The following SCN8A variants were observed in gnomAD, a reference collection of about 807,000 sequenced individuals.
The protein encoded by SCN8A is sodium channel protein type 8 subunit alpha.
SCN8A carries 30 observed loss-of-function variants against 184.1 expected under a neutral mutation model. The observed-to-expected ratio is 0.16, with a 90% CI of 0.12 to 0.22. SCN8A has a LOEUF of 0.22. Ranked by LOEUF, SCN8A falls within the 10% of genes least tolerant of loss-of-function variation. The pLI, the probability that SCN8A is intolerant of heterozygous loss-of-function variation, is 1.00. For synonymous variants in SCN8A, 852 were observed against 907.0 expected (o/e 0.94, Z 1.09); for missense variants, 1,057 against 2,498.9 (o/e 0.42, Z 12.30).
intron 1 of SCN8A, among the ~76,000 whole-genome samples, chr12:51,609,104 A>C (rs1028117589): frequency 1.3e-5 from 2 of 152,288 alleles, no homozygotes; most frequent in South Asian, 4.1e-4. Context: ...AGAGTGCTTG[A>C]TACAATTTCA....
intron 14 of SCN8A, among the ~76,000 whole-genome samples, chr12:51,755,639 G>A (rs879170551): frequency 6.6e-6 from 1 of 152,072 alleles, no homozygotes; most frequent in South Asian, 2.1e-4. Flanking sequence ...AAAAAAAAAG[G>A]AAGAGGTGGA....
At chr12:51,663,927 T>TG (rs869052554) in intron 2 of SCN8A, among the ~76,000 whole-genome samples, 1 of 140,460 alleles carries the variant, frequency 7.1e-6, no homozygotes, top group Non-Finnish European at 1.5e-5. Flanking sequence ...TTTTTTTTTT[T>TG]GAGATGGAGT....
At chr12:51,802,520 G>T (rs1022533008) in intron 26 of SCN8A, among the ~76,000 whole-genome samples, 1 of 152,180 alleles carries the variant, frequency 6.6e-6, no homozygotes, top group African/African-American at 2.4e-5. Context: ...CCAGCCACTT[G>T]CGTGGTAAGA....
At chr12:51,724,393 G>A (rs1942123334) in intron 12 of SCN8A, among the ~76,000 whole-genome samples, 1 of 152,138 alleles carries the variant, frequency 6.6e-6, no homozygotes, top group African/African-American at 2.4e-5. Flanking sequence ...GCTGTAATGA[G>A]CCAAGATTGC....
rs756127631 is a variant in SCN8A, at chr12:51,769,127, G to A, written c.3164G>A (p.Arg1055Gln). 54 of 1,613,090 alleles carry A rather than the reference G, an allele frequency of 3.3e-5. No homozygotes were observed. Among genetic ancestry groups the A allele is most frequent in the Non-Finnish European group, 3.9e-5 (46 of 1,179,558 alleles). ...IANHTGADIH[R>Q]NGDFQKNGNG... ...AATCACACCGGTGCAGACATCCACCGGAATGGTGACTTCCAGAAGAATGGC... is the reference window on the plus strand; with the variant it reads ...AATCACACCGGTGCAGACATCCACCAGAATGGTGACTTCCAGAAGAATGGC... Residue 1055 changes from arginine (R) to glutamine (Q), a missense_variant, in exon 17 of 27, where the codon CGG (arginine) becomes CAG (glutamine). Transcript: ENST00000627620.
chr12:51,715,148 C>A (rs1332850241), intron 11 of SCN8A, among the ~76,000 whole-genome samples: 1 of 152,190 alleles, frequency 6.6e-6, no homozygotes, highest in Non-Finnish European at 1.5e-5. Flanking sequence ...ACCCCTTTCA[C>A]ATTTGTCCAT....
intron 21 of SCN8A, among the ~76,000 whole-genome samples, chr12:51,781,454 C>T (rs1937918740): frequency 6.6e-6 from 1 of 152,110 alleles, no homozygotes; most frequent in Admixed American, 6.5e-5. Flanking sequence ...AAATGACAAC[C>T]AGGTATGATG....
At chr12:51,623,519 T>C (rs1168638954) in intron 1 of SCN8A, among the ~76,000 whole-genome samples, 6 of 152,210 alleles carry the variant, frequency 3.9e-5, no homozygotes, top group Non-Finnish European at 5.9e-5. Context: ...TGTTAACTTA[T>C]ACTCCTATGA....
intron 13 of SCN8A, among the ~76,000 whole-genome samples, chr12:51,746,717 C>T (rs897400291): frequency 6.6e-6 from 1 of 152,162 alleles, no homozygotes; most frequent in Admixed American, 6.5e-5. Flanking sequence ...CACAACCTGG[C>T]GTGCTGAGGA....
chr12:51,702,183 G>T (rs895845270), intron 8 of SCN8A, among the ~76,000 whole-genome samples: 1 of 151,904 alleles, frequency 6.6e-6, no homozygotes, highest in African/African-American at 2.4e-5. Context: ...TTAGCCAGAC[G>T]TGGTGGCAGG....
intron 1 of SCN8A, among the ~76,000 whole-genome samples, chr12:51,658,453 G>A (rs1445503977): frequency 6.6e-6 from 1 of 151,942 alleles, no homozygotes; most frequent in African/African-American, 2.4e-5. Context: ...ATTTTTGTAC[G>A]TTGATTCTGT....
intron 5 of SCN8A, among the ~76,000 whole-genome samples, chr12:51,688,306 C>CATAT (rs1409561857): frequency 1.3e-5 from 2 of 152,192 alleles, no homozygotes; most frequent in Non-Finnish European, 2.9e-5. Flanking sequence ...CTGATTAAGT[C>CATAT]ATATATACAG....
chr12:51,761,482 A>ATTAT (rs1037515275), intron 14 of SCN8A, among the ~76,000 whole-genome samples: 1 of 150,160 alleles, frequency 6.7e-6, no homozygotes, highest in African/African-American at 2.4e-5. Flanking sequence ...TTTATTTATT[A>ATTAT]TTATTTATTT....
At chr12:51,608,286 A>T (rs968655966) in intron 1 of SCN8A, among the ~76,000 whole-genome samples, 3 of 152,098 alleles carry the variant, frequency 2.0e-5, no homozygotes, top group African/African-American at 4.8e-5. Flanking sequence ...CTGGGATTAC[A>T]GGCGTGAGCC....
intron 11 of SCN8A, chr12:51,713,570 C>A (rs973786482): frequency 1.4e-6 from 1 of 720,014 alleles, no homozygotes; most frequent in African/African-American, 1.7e-5. Flanking sequence ...CGGCTGGAGT[C>A]GGACTGGGGG....
In SCN8A at chr12:51,780,057, C is replaced by T. The variant is rs150565656; in HGVS notation, c.3820-592C>T. The T allele has an allele frequency of 9.7e-3, 2,815 of 288,790 alleles. 30 individuals are homozygous for T. The highest frequency in any genetic ancestry group is 0.015 in the South Asian group (530 of 34,386). 17.9% of individuals were successfully genotyped at this position (288,790 alleles called of 1,614,324 possible). On this transcript the variant is annotated intron_variant, in intron 20 of 26. Coordinates refer to ENST00000627620, the MANE Select transcript of SCN8A (RefSeq NM_001330260.2). ...TGAACGTTTTCATTGTTGTTAATGT[C>T]GTGACGCATCAGATTCTCAAACAAA...
At chr12:51,638,522 C>T (rs1216503291) in intron 1 of SCN8A, among the ~76,000 whole-genome samples, 1 of 149,108 alleles carries the variant, frequency 6.7e-6, no homozygotes, top group Admixed American at 6.7e-5. Context: ...GAGTCTCGCT[C>T]TGTCACCAGG....
chr12:51,807,008 G>A lies in SCN8A; in HGVS notation c.5522G>A (p.Arg1841His). 1.9e-6 allele frequency: 3 copies of A among 1,613,940 alleles called. No individual in the cohort carries two copies. The highest frequency in any genetic ancestry group is 2.2e-5 in the East Asian group (1 of 44,864). Residue 1841 changes from arginine to histidine, a missense_variant, in exon 27 of 27, where the codon CGC becomes CAC. By Grantham distance (29) the Arg-to-His change is conservative. Coordinates refer to ENST00000627620, the MANE Select transcript of SCN8A (RefSeq NM_001330260.2). The surrounding 1 kb of genome is among the most constrained non-coding windows in gnomAD (Gnocchi z 4.5). The stretch of plus-strand genomic sequence containing the variant: ...GATCTGCCAATGGTGAGCGGGGATC[G>A]CATCCACTGCTTGGACATCCTTTTT... ...AMDLPMVSGD[R>H]IHCLDILFAF...
intron 19 of SCN8A, 88 bp from the exon 20 acceptor site, chr12:51,774,101 T>C (rs1221832589): frequency 1.7e-6 from 2 of 1,193,084 alleles, no homozygotes; most frequent in East Asian, 2.5e-5. Flanking sequence ...GGCCAGCCCA[T>C]GTGGGACGGC....
Sources: allele counts gnomAD v4.1 joint callset (sites outside exome capture counted in the v4.1 genomes callset), GRCh38; gene constraint gnomAD v4.1.1; non-coding constraint Gnocchi (gnomAD v3.1); transcripts MANE v1.5; gene names NCBI Gene and HGNC (gene_info 2026-07-23, HGNC 2026-07-21).